Variants in NSUN3 observed in about 807,000 individuals in gnomAD.
NSUN3 encodes the protein NOP2/Sun RNA methyltransferase 3.
NSUN3 carries 24 observed loss-of-function variants against 36.8 expected under a neutral mutation model. The ratio of observed to expected loss-of-function variants is 0.65; its 90% CI spans 0.47 to 0.92. NSUN3 has a LOEUF of 0.92. Ranked by LOEUF, NSUN3 falls within the 40% of genes least tolerant of loss-of-function variation. The pLI, the probability that NSUN3 is intolerant of heterozygous loss-of-function variation, is 0.00. For missense variants in NSUN3, 381 were observed against 392.8 expected (o/e 0.97, Z 0.25); for synonymous variants, 146 against 145.2 (o/e 1.01, Z -0.04).
chr3:94,085,352 G>A (rs1184017157), intron 3 of NSUN3: 4 of 151,812 alleles, frequency 2.6e-5, no homozygotes, highest in East Asian at 1.9e-4. Context: ...AGGCTTCCCC[G>A]AATAAATATT....
At chr3:94,110,251 G>A (rs7614837) in intron 5 of NSUN3, among the ~76,000 whole-genome samples, 1 of 113,546 alleles carries the variant, frequency 8.8e-6, no homozygotes, top group African/African-American at 2.6e-5. Flanking sequence ...ATAACTTTCA[G>A]TGATAGGAAG....
At chr3:94,077,693 T>G (rs922470180) in intron 2 of NSUN3, among the ~76,000 whole-genome samples, 2 of 152,174 alleles carry the variant, frequency 1.3e-5, no homozygotes, top group Admixed American at 1.3e-4. Context: ...AGGAATTTAT[T>G]CATTTCTTCT....
rs565178190 is a variant in NSUN3, at chr3:94,075,740, C to G, written c.123-8367C>G. On this transcript the variant is annotated intron_variant, in intron 2 of 5. Transcript: ENST00000314622. Reference sequence around the variant, plus strand: ...GCTTTGCTGAATCAAGCCCCCCCCCCCAATAATATTTAGAAAACACCCACT... The same window carrying G: ...GCTTTGCTGAATCAAGCCCCCCCCCGCAATAATATTTAGAAAACACCCACT... 4.6e-5 allele frequency among the ~76,000 whole-genome samples: 7 copies of G among 152,002 alleles called. No individual in the cohort carries two copies. In the East Asian group the frequency reaches 5.8e-4, roughly 13 times the overall value.
intron 5 of NSUN3, among the ~76,000 whole-genome samples, chr3:94,120,613 T>C (rs889222105): frequency 4.6e-5 from 7 of 152,270 alleles, no homozygotes; most frequent in Non-Finnish European, 1.0e-4. Flanking sequence ...TCCTTCTTGA[T>C]GCTGAATAAT....
At chr3:94,079,104 C>T (rs945042391) in intron 2 of NSUN3, among the ~76,000 whole-genome samples, 2 of 152,132 alleles carry the variant, frequency 1.3e-5, no homozygotes, top group African/African-American at 4.8e-5. Context: ...CCTTCAGGAG[C>T]TCTTGTAAGG....
rs113818351 is a variant in NSUN3, at chr3:94,078,836, C to T, written c.123-5271C>T. Among the ~76,000 whole-genome samples the T allele has an allele frequency of 5.4e-3, 827 of 152,180 alleles. 13 individuals carry two copies. Among genetic ancestry groups the T allele is most frequent in the African/African-American group, 0.019 (789 of 41,492 alleles). On this transcript the variant is annotated intron_variant, in intron 2 of 5. Transcript: ENST00000314622. Reference sequence around the variant, plus strand: ...TTGAACCTATGTGTGTCTCTGCATGCGAGATGGGTCTCCTGAATACAGCAC... The same window carrying T: ...TTGAACCTATGTGTGTCTCTGCATGTGAGATGGGTCTCCTGAATACAGCAC...
rs1396168067 is a variant in NSUN3 at position 94,129,564 on chromosome 3, G to A, written c.*3074G>A. 6.6e-6 allele frequency among the ~76,000 whole-genome samples: 1 copy of A among 151,898 alleles called. No individual in the cohort carries two copies. Among genetic ancestry groups the A allele is most frequent in the Non-Finnish European group, 1.5e-5 (1 of 68,006 alleles). ...GTACTGCACTCACTACCTGGGTGAC[G>A]GGATCGTCTGTACCCCAAACCTCAG... On this transcript the variant is annotated 3_prime_UTR_variant, in exon 6 of 6. Transcript: ENST00000314622.
At chr3:94,082,344 AAACT>A (rs2077272927) in intron 2 of NSUN3, among the ~76,000 whole-genome samples, 1 of 152,144 alleles carries the variant, frequency 6.6e-6, no homozygotes, top group Non-Finnish European at 1.5e-5. Context: ...ACTGAATCAG[AAACT>A]CTGGCTAGGT....
chr3:94,067,541 A>G (rs903363625), intron 2 of NSUN3, among the ~76,000 whole-genome samples: 4 of 152,152 alleles, frequency 2.6e-5, no homozygotes, highest in Admixed American at 6.5e-5. Context: ...TTTTAAAAAA[A>G]TTCTCTACTG....
intron 5 of NSUN3, among the ~76,000 whole-genome samples, chr3:94,123,354 C>G (rs1424068735): frequency 6.6e-6 from 1 of 152,174 alleles, no homozygotes; most frequent in Non-Finnish European, 1.5e-5. Flanking sequence ...GAGATATCTG[C>G]AAGTTTCTGG....
rs376394970 is a variant in NSUN3, at chr3:94,128,474, G to A, written c.*1984G>A. The A allele has an allele frequency of 6.6e-6, 1 of 151,204 alleles. No homozygotes were observed. The highest frequency in any genetic ancestry group is 6.6e-5 in the Admixed American group (1 of 15,140). 9.4% of individuals were successfully genotyped at this position (151,204 alleles called of 1,614,324 possible). A position where few individuals can be genotyped will look rare whatever the true frequency, so the allele number is the denominator to read the frequency against. On this transcript the variant is annotated 3_prime_UTR_variant, in exon 6 of 6. Transcript: ENST00000314622. ...TTTGTTAAATGTCGGTATTTTCCCAGTATAATGCGATGAAGCTTAATCTGA... is the reference window on the plus strand; with the variant it reads ...TTTGTTAAATGTCGGTATTTTCCCAATATAATGCGATGAAGCTTAATCTGA...
intron 3 of NSUN3, among the ~76,000 whole-genome samples, chr3:94,093,434 G>T (rs2107254516): frequency 6.6e-6 from 1 of 152,236 alleles, no homozygotes; most frequent in East Asian, 1.9e-4. Context: ...CTCTAGTATT[G>T]TTGCCTTGGT....
At chr3:94,117,736 A>C (rs1299449696) in intron 5 of NSUN3, among the ~76,000 whole-genome samples, 1 of 151,998 alleles carries the variant, frequency 6.6e-6, no homozygotes, top group Admixed American at 6.6e-5. Flanking sequence ...TCTTACCTTC[A>C]TTATGCAGTA....
intron 5 of NSUN3, among the ~76,000 whole-genome samples, chr3:94,104,761 A>T (rs1004150897): frequency 1.3e-5 from 2 of 152,232 alleles, no homozygotes; most frequent in African/African-American, 4.8e-5. Context: ...ACAAGAGAGC[A>T]AACATAGAAG....
At chr3:94,102,277 T>G (rs1248071271) in intron 5 of NSUN3, among the ~76,000 whole-genome samples, 2 of 151,694 alleles carry the variant, frequency 1.3e-5, no homozygotes, top group Non-Finnish European at 2.9e-5. Flanking sequence ...AATACCTAGT[T>G]GACTGTGCAG....
chr3:94,084,142 C>T lies in NSUN3; in HGVS notation c.158C>T (p.Ala53Val). 1 of 1,613,988 alleles carries T rather than the reference C, an allele frequency of 6.2e-7. No individual in the cohort carries two copies. ...ILTSPSCWQY[A>V]VLLNRFNYPF... ...ACATCTCCATCATGCTGGCAATATG[C>T]TGTCCTGCTTAACCGATTCAATTAT... is the stretch of plus-strand genomic sequence containing the variant. The change falls in exon 3 of 6, where the codon GCT becomes GTT. Residue 53 changes from alanine to valine, a missense_variant. Coordinates refer to ENST00000314622, the MANE Select transcript of NSUN3 (RefSeq NM_022072.5).
At chr3:94,108,416 A>C (rs896366754) in intron 5 of NSUN3, among the ~76,000 whole-genome samples, 1 of 152,168 alleles carries the variant, frequency 6.6e-6, no homozygotes, top group Admixed American at 6.5e-5. Context: ...GCTGGAGTGC[A>C]GTGGCACGAT....
In NSUN3 at chr3:94,063,096, C is replaced by A; in HGVS notation, c.-31C>A. On this transcript the variant is annotated 5_prime_UTR_variant, in exon 1 of 6. Coordinates refer to ENST00000314622, the MANE Select transcript of NSUN3 (RefSeq NM_022072.5). ...AGGCTTTTTGATACTGATTCGCGTA[C>A]ACCTGTTGTTTGAAAGCTCTCAGCG... 1 of 1,613,938 alleles carries A rather than the reference C, an allele frequency of 6.2e-7. No individual in the cohort carries two copies. The highest frequency in any genetic ancestry group is 8.5e-7 in the Non-Finnish European group (1 of 1,179,874).
At chr3:94,118,968 A>G (rs2077451303) in intron 5 of NSUN3, among the ~76,000 whole-genome samples, 1 of 152,150 alleles carries the variant, frequency 6.6e-6, no homozygotes, top group African/African-American at 2.4e-5. Flanking sequence ...TTGCTCCCCC[A>G]AACAACCCTT....
Sources: allele counts gnomAD v4.1 joint callset (sites outside exome capture counted in the v4.1 genomes callset), GRCh38; gene constraint gnomAD v4.1.1; transcripts MANE v1.5; gene names NCBI Gene and HGNC (gene_info 2026-07-23, HGNC 2026-07-21).